Variants in OTUD4 observed in about 807,000 individuals in gnomAD.
OTUD4 encodes the protein OTU domain-containing protein 4.
Under a neutral mutation model 130.4 loss-of-function variants are expected in OTUD4, and 24 were observed. The ratio of observed to expected loss-of-function variants is 0.18; its 90% CI spans 0.13 to 0.26. The LOEUF (loss-of-function observed/expected upper bound fraction) is 0.26, where lower values mean the gene tolerates loss of function less well. OTUD4 is among the 10% of genes least tolerant of loss of function. The pLI is 1.00. For missense variants in OTUD4, 1,031 were observed against 1,329.4 expected (o/e 0.78, Z 3.49); for synonymous variants, 420 against 472.5 (o/e 0.89, Z 1.44).
At chr4:145,142,718 T>C (rs1024348181) in intron 17 of OTUD4, among the ~76,000 whole-genome samples, 1 of 152,248 alleles carries the variant, frequency 6.6e-6, no homozygotes, top group Non-Finnish European at 1.5e-5. Context: ...ACAATACTTT[T>C]AAGGCAAGTG....
intron 1 of OTUD4, among the ~76,000 whole-genome samples, chr4:145,176,077 G>A (rs1752407643): frequency 6.9e-6 from 1 of 145,722 alleles, no homozygotes; most frequent in Non-Finnish European, 1.5e-5. Flanking sequence ...TCTATTTTTA[G>A]TAGAGACAGG....
At chr4:145,166,039 T>C (rs927466601) in intron 3 of OTUD4, among the ~76,000 whole-genome samples, 1 of 151,864 alleles carries the variant, frequency 6.6e-6, no homozygotes, top group Non-Finnish European at 1.5e-5. Context: ...CCCATGCCTA[T>C]AGTCCTAGCT....
chr4:145,151,013 TAC>T lies in OTUD4; in HGVS notation c.969-110_969-109del, dbSNP rs570321464. On this transcript the variant is annotated intron_variant, in intron 11 of 20. Coordinates refer to ENST00000447906, the MANE Select transcript of OTUD4 (RefSeq NM_001366057.1). ...TATAAGAATTTCTAGTTTTATTTCT[TAC>T]ATTAAAAACAAATTACAATTAAGGT... 1.5e-3 allele frequency: 895 copies of T among 607,784 alleles called. 6 individuals are homozygous for T. In the African/African-American group the frequency reaches 0.015, roughly 10 times the overall value. 37.6% of individuals were successfully genotyped at this position (607,784 alleles called of 1,614,324 possible).
At chr4:145,168,012 TATTAA>T (rs1248863818) in intron 3 of OTUD4, among the ~76,000 whole-genome samples, 1 of 152,148 alleles carries the variant, frequency 6.6e-6, no homozygotes, top group South Asian at 2.1e-4. Flanking sequence ...GCAGTGTCAG[TATTAA>T]ATTATTTAAA....
At chr4:145,154,305 T>C (rs535229404) in intron 10 of OTUD4, among the ~76,000 whole-genome samples, 2 of 152,342 alleles carry the variant, frequency 1.3e-5, no homozygotes, top group South Asian at 4.1e-4. Flanking sequence ...GAATGAATCA[T>C]GTTCTCTTCT....
intron 1 of OTUD4, among the ~76,000 whole-genome samples, chr4:145,176,677 T>A (rs1419079108): frequency 6.6e-6 from 1 of 151,948 alleles, no homozygotes; most frequent in Admixed American, 6.6e-5. Context: ...CCAGCCTGAG[T>A]GACAGAGTAA....
At chr4:145,149,702 C>T (rs564183298) in intron 13 of OTUD4, 2 of 152,276 alleles carry the variant, frequency 1.3e-5, no homozygotes, top group Admixed American at 6.5e-5. Context: ...AAGGAACACC[C>T]AAATGCCAGA....
chr4:145,139,919 A>C (rs564752883), intron 20 of OTUD4, 32 bp downstream of exon 20: 18 of 692,630 alleles, frequency 2.6e-5, no homozygotes, highest in Middle Eastern at 5.5e-4. Flanking sequence ...TTAATGAATA[A>C]AATAACTTTT....
In OTUD4 at chr4:145,156,683, C is replaced by CA. The variant is rs562088817; in HGVS notation, c.630-688dup. On this transcript the variant is annotated intron_variant, in intron 7 of 20. Transcript: ENST00000447906. Reference sequence around the variant, plus strand: ...GGGCAGCAAGAGCGAAACTCCGTCTCAAAAAAAAAAAAAATACTCTACGTC... The same window carrying CA: ...GGGCAGCAAGAGCGAAACTCCGTCTCAAAAAAAAAAAAAAATACTCTACGTC... 4.0e-3 allele frequency among the ~76,000 whole-genome samples: 518 copies of CA among 128,032 alleles called. 1 individual carries two copies. The highest frequency in any genetic ancestry group is 8.2e-3 in the Middle Eastern group (2 of 244). The allele number at this position is 128,032 out of a possible 152,430, so 84.0% of individuals were successfully genotyped here.
chr4:145,169,906 A>G (rs896500250), intron 3 of OTUD4, among the ~76,000 whole-genome samples: 6 of 152,270 alleles, frequency 3.9e-5, no homozygotes, highest in African/African-American at 1.4e-4. Flanking sequence ...GCAGTGAATA[A>G]AGCATACAGA....
intron 13 of OTUD4, among the ~76,000 whole-genome samples, chr4:145,148,515 C>A (rs57953883): frequency 1.3e-5 from 2 of 150,216 alleles, no homozygotes; most frequent in African/African-American, 2.4e-5. Flanking sequence ...AAAAAAAAAA[C>A]TGTTGATTAA....
At chr4:145,157,189 C>G (rs1389830594) in intron 7 of OTUD4, among the ~76,000 whole-genome samples, 1 of 152,048 alleles carries the variant, frequency 6.6e-6, no homozygotes, top group Non-Finnish European at 1.5e-5. Context: ...ATGCTGATAA[C>G]TGCTATAAAG....
chr4:145,143,736 A>G (rs1272500830), intron 16 of OTUD4, among the ~76,000 whole-genome samples: 1 of 152,144 alleles, frequency 6.6e-6, no homozygotes, highest in Non-Finnish European at 1.5e-5. Flanking sequence ...CTTTCTAACA[A>G]TTCAGGCAGG....
At chr4:145,174,210 G>A (rs1272518709) in intron 2 of OTUD4, among the ~76,000 whole-genome samples, 2 of 152,116 alleles carry the variant, frequency 1.3e-5, no homozygotes, top group East Asian at 3.9e-4. Flanking sequence ...GGCCAAGCTG[G>A]TCTTGAACTC....
At chr4:145,149,134 T>A (rs1750956961) in intron 13 of OTUD4, among the ~76,000 whole-genome samples, 1 of 152,100 alleles carries the variant, frequency 6.6e-6, no homozygotes, top group Non-Finnish European at 1.5e-5. Context: ...CTGAATAGGG[T>A]AGGACCTAAA....
At chr4:145,162,076 G>A (rs1201281133) in intron 6 of OTUD4, among the ~76,000 whole-genome samples, 1 of 152,098 alleles carries the variant, frequency 6.6e-6, no homozygotes, top group Non-Finnish European at 1.5e-5. Context: ...GGGCTCAAGT[G>A]ATCCTCCCAC....
chr4:145,174,803 T>A (rs1752342535), intron 1 of OTUD4, 59 bp from the exon 2 acceptor site: 3 of 892,606 alleles, frequency 3.4e-6, no homozygotes, highest in Non-Finnish European at 5.6e-6. Context: ...TACAACCTAA[T>A]GTCTTCTTTT....
intron 1 of OTUD4, 111 bp from the exon 2 acceptor site, chr4:145,174,855 C>T (rs1752344645): frequency 1.5e-6 from 1 of 645,564 alleles, no homozygotes; most frequent in Non-Finnish European, 2.8e-6. Context: ...ATCAGTCTTT[C>T]TCCATTTCCC....
intron 18 of OTUD4, among the ~76,000 whole-genome samples, chr4:145,141,941 T>C (rs1750586354): frequency 6.6e-6 from 1 of 152,266 alleles, no homozygotes; most frequent in South Asian, 2.1e-4. Context: ...GTGGTGCTAA[T>C]TAGTGCTGAG....
Sources: gnomAD v4.1 joint callset for allele counts (sites outside exome capture counted in the v4.1 genomes callset) on GRCh38, gnomAD v4.1.1 for gene constraint, MANE v1.5 for transcripts, NCBI Gene and HGNC (gene_info 2026-07-23, HGNC 2026-07-21) for gene names.